The following SORCS1 variants were observed in gnomAD, a reference collection of about 807,000 sequenced individuals.
The protein encoded by SORCS1 is VPS10 domain-containing receptor SorCS1.
SORCS1 carries 60 observed loss-of-function variants against 146.1 expected under a neutral mutation model. The ratio of observed to expected loss-of-function variants is 0.41; its 90% CI spans 0.33 to 0.51. The LOEUF (loss-of-function observed/expected upper bound fraction) is 0.51. SORCS1 is among the 20% of genes least tolerant of loss of function. The pLI is 0.21. For missense variants in SORCS1, 1,352 were observed against 1,487.6 expected, an observed-to-expected ratio of 0.91 and a Z score of 1.50; for synonymous variants, 637 against 584.0, an observed-to-expected ratio of 1.09 and a Z score of -1.31.
At chr10:106,833,682 G>A (rs1948662704) in intron 2 of SORCS1, among the ~76,000 whole-genome samples, 1 of 152,220 alleles carries the variant, frequency 6.6e-6, no homozygotes, top group South Asian at 2.1e-4. Context: ...CAACACACCT[G>A]TGCTGATCTG....
chr10:106,670,773 AAT>A (rs1851534254), intron 16 of SORCS1, among the ~76,000 whole-genome samples: 1 of 149,458 alleles, frequency 6.7e-6, no homozygotes, highest in African/African-American at 2.5e-5. Context: ...GGCTCATTGC[AAT>A]CTCTACCTCC....
chr10:106,850,576 G>A (rs12778362), intron 2 of SORCS1, among the ~76,000 whole-genome samples: 5,292 of 152,208 alleles, frequency 0.035, 103 homozygotes, highest in East Asian at 0.059. Flanking sequence ...GCTGTAGACC[G>A]GAGCTGTTCC....
intron 2 of SORCS1, among the ~76,000 whole-genome samples, chr10:106,946,520 G>A (rs954133308): frequency 2.0e-5 from 3 of 152,148 alleles, no homozygotes; most frequent in East Asian, 1.9e-4. Flanking sequence ...AAACTCTCTC[G>A]CCTGTTGCCA....
At chr10:107,048,439 T>A (rs1219279393) in intron 1 of SORCS1, among the ~76,000 whole-genome samples, 3 of 152,242 alleles carry the variant, frequency 2.0e-5, no homozygotes, top group Non-Finnish European at 4.4e-5. Context: ...GTTTATTTGT[T>A]AATTTGTCTT....
intron 1 of SORCS1, among the ~76,000 whole-genome samples, chr10:107,157,565 A>G (rs1969385730): frequency 6.6e-6 from 1 of 152,260 alleles, no homozygotes; most frequent in South Asian, 2.1e-4. Flanking sequence ...CTAAAGTGGT[A>G]TAAAAACATT....
chr10:106,856,756 G>A (rs1330008359), intron 2 of SORCS1, among the ~76,000 whole-genome samples: 1 of 152,138 alleles, frequency 6.6e-6, no homozygotes, highest in Non-Finnish European at 1.5e-5. Context: ...TCCACACTGA[G>A]CCTCCTGCAA....
At chr10:106,671,754 G>A (rs1490240705) in intron 15 of SORCS1, among the ~76,000 whole-genome samples, 2 of 152,146 alleles carry the variant, frequency 1.3e-5, no homozygotes. Context: ...TCATTTATGA[G>A]GGCATGAAAG....
intron 18 of SORCS1, among the ~76,000 whole-genome samples, chr10:106,644,839 G>A (rs1349688705): frequency 1.3e-5 from 2 of 152,114 alleles, no homozygotes; most frequent in Non-Finnish European, 2.9e-5. Context: ...ATTCCATTCT[G>A]TAAATATACT....
At chr10:106,883,623 C>G (rs1370176079) in intron 2 of SORCS1, among the ~76,000 whole-genome samples, 1 of 152,094 alleles carries the variant, frequency 6.6e-6, no homozygotes, top group Non-Finnish European at 1.5e-5. Context: ...CCATGTTAGC[C>G]AGGATGGTCT....
chr10:106,808,614 T>C (rs1342323335), intron 3 of SORCS1, among the ~76,000 whole-genome samples: 1 of 152,150 alleles, frequency 6.6e-6, no homozygotes, highest in Non-Finnish European at 1.5e-5. Context: ...ACCATTCTCC[T>C]GCCTCAGCCT....
intron 2 of SORCS1, among the ~76,000 whole-genome samples, chr10:106,877,106 G>T (rs1168805205): frequency 2.0e-5 from 3 of 152,120 alleles, no homozygotes; most frequent in Non-Finnish European, 4.4e-5. Context: ...CAACTCTTTT[G>T]TGCTTTAATG....
chr10:106,983,750 G>T (rs1471043871), intron 1 of SORCS1, among the ~76,000 whole-genome samples: 1 of 152,132 alleles, frequency 6.6e-6, no homozygotes, highest in East Asian at 1.9e-4. Context: ...CCATCTCTGT[G>T]TCTGATTTTA....
intron 3 of SORCS1, among the ~76,000 whole-genome samples, chr10:106,777,136 G>A (rs761253850): frequency 2.0e-5 from 3 of 152,012 alleles, no homozygotes; most frequent in African/African-American, 7.2e-5. Context: ...TCCCTACCTC[G>A]AATCTTTTCA....
At chr10:106,860,477 C>A (rs925239260) in intron 2 of SORCS1, among the ~76,000 whole-genome samples, 1 of 152,188 alleles carries the variant, frequency 6.6e-6, no homozygotes. Context: ...CTGGGCTAAG[C>A]ACTTCATAAG....
At chr10:106,789,895 C>T (rs1024377548) in intron 3 of SORCS1, among the ~76,000 whole-genome samples, 1 of 152,196 alleles carries the variant, frequency 6.6e-6, no homozygotes, top group African/African-American at 2.4e-5. Context: ...GGGGAGGCCA[C>T]AGGAAACTGA....
intron 1 of SORCS1, among the ~76,000 whole-genome samples, chr10:106,983,234 A>G (rs1194351895): frequency 6.9e-6 from 1 of 144,774 alleles, no homozygotes; most frequent in Non-Finnish European, 1.5e-5. Flanking sequence ...ATATTTCTAT[A>G]TATAAATATA....
chr10:106,962,212 C>T (rs1955258508), intron 1 of SORCS1, among the ~76,000 whole-genome samples: 1 of 151,826 alleles, frequency 6.6e-6, no homozygotes, highest in East Asian at 1.9e-4. Flanking sequence ...CCAGCCTGAC[C>T]AACATGGAGA....
intron 2 of SORCS1, among the ~76,000 whole-genome samples, chr10:106,909,849 C>T (rs2138212515): frequency 6.6e-6 from 1 of 152,286 alleles, no homozygotes; most frequent in East Asian, 1.9e-4. Context: ...TGATACCTAT[C>T]CACCCAATAT....
At chr10:106,729,831 G>A (rs1288111915) in intron 6 of SORCS1, among the ~76,000 whole-genome samples, 1 of 152,048 alleles carries the variant, frequency 6.6e-6, no homozygotes, top group Non-Finnish European at 1.5e-5. Context: ...GTGCCACTGT[G>A]CCTGCCTACC....
Sources: allele counts gnomAD v4.1 joint callset (sites outside exome capture counted in the v4.1 genomes callset), GRCh38; gene constraint gnomAD v4.1.1; transcripts MANE v1.5; gene names NCBI Gene and HGNC (gene_info 2026-07-23, HGNC 2026-07-21).